Variants in FSTL5 observed in about 807,000 individuals in gnomAD.
FSTL5 encodes follistatin like 5, also known as follistatin-related protein 5.
In FSTL5, 62 loss-of-function variants were observed where a neutral mutation model predicts 89.1. The observed-to-expected ratio is 0.70, with a 90% CI of 0.57 to 0.86. FSTL5 has a LOEUF of 0.86. Ranked by LOEUF, FSTL5 falls within the 40% of genes least tolerant of loss-of-function variation. FSTL5 has a pLI of 0.00. For missense variants in FSTL5, 1,057 were observed against 1,001.6 expected (o/e 1.06, Z -0.75); for synonymous variants, 383 against 346.2 (o/e 1.11, Z -1.18).
chr4:161,667,189 C>A (rs1736931847), intron 6 of FSTL5, among the ~76,000 whole-genome samples: 1 of 151,992 alleles, frequency 6.6e-6, no homozygotes, highest in Admixed American at 6.6e-5. Context: ...GTTCTGTTAA[C>A]TTTCATTTAA....
chr4:161,826,812 A>G (rs1730683245), intron 4 of FSTL5, among the ~76,000 whole-genome samples: 1 of 152,164 alleles, frequency 6.6e-6, no homozygotes, highest in Non-Finnish European at 1.5e-5. Context: ...CAAAGACAGT[A>G]GGTACTTGGT....
intron 7 of FSTL5, among the ~76,000 whole-genome samples, chr4:161,645,677 G>T (rs1460559402): frequency 6.6e-6 from 1 of 151,954 alleles, no homozygotes; most frequent in Non-Finnish European, 1.5e-5. Context: ...TTGTATTTAG[G>T]CAGAAAATTA....
intron 10 of FSTL5, among the ~76,000 whole-genome samples, chr4:161,536,333 T>C (rs190597319): frequency 1.3e-5 from 2 of 152,262 alleles, no homozygotes; most frequent in Admixed American, 1.3e-4. Flanking sequence ...TCAGTCTCTT[T>C]CCATGAAATT....
chr4:161,935,141 C>T (rs997305176), intron 3 of FSTL5, among the ~76,000 whole-genome samples: 1 of 152,046 alleles, frequency 6.6e-6, no homozygotes, highest in African/African-American at 2.4e-5. Flanking sequence ...TAGAACTGCT[C>T]CAGTTCCTAG....
intron 4 of FSTL5, among the ~76,000 whole-genome samples, chr4:161,889,061 T>C (rs1732904541): frequency 1.3e-5 from 2 of 152,168 alleles, no homozygotes; most frequent in African/African-American, 4.8e-5. Flanking sequence ...TATAAGTTAC[T>C]TTGCGTGTAT....
At chr4:161,585,851 A>G (rs1238989434) in intron 8 of FSTL5, among the ~76,000 whole-genome samples, 3 of 152,158 alleles carry the variant, frequency 2.0e-5, no homozygotes, top group Non-Finnish European at 4.4e-5. Flanking sequence ...ATTACTTTAT[A>G]TATGAAAGTC....
chr4:161,972,933 T>G (rs1231443755), intron 3 of FSTL5, among the ~76,000 whole-genome samples: 2 of 152,168 alleles, frequency 1.3e-5, no homozygotes, highest in East Asian at 3.9e-4. Flanking sequence ...ATGCAAATAA[T>G]CATATCGCTG....
rs148821510 is a variant in FSTL5 at position 161,916,691 on chromosome 4, A to G, written c.409+3713T>C. Among the ~76,000 whole-genome samples, 324 of 152,280 alleles carry G rather than the reference A, an allele frequency of 2.1e-3. 1 individual carries two copies. Among genetic ancestry groups the G allele is most frequent in the African/African-American group, 7.4e-3 (308 of 41,564 alleles). Reference sequence around the variant, plus strand: ...CATAGGTATATTGTTTATTTTATCTATAGTTCTACAAATCATAAATCACTA... The same window carrying G: ...CATAGGTATATTGTTTATTTTATCTGTAGTTCTACAAATCATAAATCACTA... On this transcript the variant is annotated intron_variant, in intron 4 of 15. Transcript: ENST00000306100.
At chr4:161,954,366 C>G (rs781707880) in intron 3 of FSTL5, among the ~76,000 whole-genome samples, 1 of 151,492 alleles carries the variant, frequency 6.6e-6, no homozygotes, top group East Asian at 1.9e-4. Flanking sequence ...TTCAAAATTT[C>G]CACAAAAAAT....
intron 4 of FSTL5, among the ~76,000 whole-genome samples, chr4:161,901,727 G>C (rs1161214459): frequency 6.6e-6 from 1 of 152,040 alleles, no homozygotes; most frequent in Non-Finnish European, 1.5e-5. Flanking sequence ...CTGAGCTCAG[G>C]AGTTCCAGAG....
At position 162,152,128 on chromosome 4, in the gene FSTL5, C is replaced by T. The variant is rs538021264; in HGVS notation, c.-17+11487G>A. On this transcript the variant is annotated intron_variant, in intron 1 of 15. Coordinates refer to ENST00000306100, the MANE Select transcript of FSTL5 (RefSeq NM_020116.5). ...CAGAATGAAAGCCCTTCGACTTTCT[C>T]AGGCCTCAGGACATGTAGAGAAACA... Among the ~76,000 whole-genome samples the T allele has an allele frequency of 7.5e-4, 114 of 152,242 alleles. 3 individuals carry two copies. In the South Asian group the frequency reaches 0.021, roughly 27 times the overall value.
chr4:161,754,710 G>C (rs1178291798), intron 6 of FSTL5, among the ~76,000 whole-genome samples: 1 of 151,986 alleles, frequency 6.6e-6, no homozygotes, highest in Non-Finnish European at 1.5e-5. Context: ...TTTCAATTGA[G>C]TTTCATAACC....
intron 4 of FSTL5, among the ~76,000 whole-genome samples, chr4:161,820,963 A>G (rs933900800): frequency 2.0e-5 from 3 of 151,452 alleles, no homozygotes; most frequent in Non-Finnish European, 4.4e-5. Context: ...AAAAACCACC[A>G]AACTCTTTAC....
chr4:161,996,073 T>C (rs1736286342), intron 3 of FSTL5, among the ~76,000 whole-genome samples: 1 of 152,190 alleles, frequency 6.6e-6, no homozygotes, highest in South Asian at 2.1e-4. Context: ...TAAAGCCTGG[T>C]TCCTAGGAAA....
rs144662531 is a variant in FSTL5, at chr4:161,389,140, G to A, written c.1842-2691C>T. Among the ~76,000 whole-genome samples, 140 of 152,108 alleles carry A rather than the reference G, an allele frequency of 9.2e-4. 1 individual carries two copies. Among genetic ancestry groups the A allele is most frequent in the African/African-American group, 3.2e-3 (133 of 41,546 alleles). ...CCCTAGTACAGATTGATATTCAGAAGTCTCCCACTGTTCATTAGTCTCTGA... is the reference window on the plus strand; with the variant it reads ...CCCTAGTACAGATTGATATTCAGAAATCTCCCACTGTTCATTAGTCTCTGA... On this transcript the variant is annotated intron_variant, in intron 15 of 15. Coordinates refer to ENST00000306100, the MANE Select transcript of FSTL5 (RefSeq NM_020116.5).
chr4:161,704,890 A>G (rs1738517869), intron 6 of FSTL5, among the ~76,000 whole-genome samples: 1 of 152,030 alleles, frequency 6.6e-6, no homozygotes, highest in Admixed American at 6.6e-5. Flanking sequence ...TTTTGCTCGC[A>G]TTATTCCCTC....
chr4:161,891,397 A>T (rs1020798572), intron 4 of FSTL5, among the ~76,000 whole-genome samples: 1 of 152,178 alleles, frequency 6.6e-6, no homozygotes, highest in Non-Finnish European at 1.5e-5. Context: ...ATATTTGGAC[A>T]ATCAGAAAGA....
At chr4:161,898,360 T>G (rs958298380) in intron 4 of FSTL5, among the ~76,000 whole-genome samples, 37 of 151,564 alleles carry the variant, frequency 2.4e-4, no homozygotes, top group African/African-American at 6.3e-4. Flanking sequence ...AACACTTGAG[T>G]GCAGGTTTTT....
chr4:161,400,387 T>C (rs141076883), intron 15 of FSTL5, among the ~76,000 whole-genome samples: 2 of 152,186 alleles, frequency 1.3e-5, no homozygotes, highest in East Asian at 3.9e-4. Context: ...TTGCTTATCA[T>C]CATTTTAATC....
Sources: gnomAD v4.1 joint callset for allele counts (sites outside exome capture counted in the v4.1 genomes callset) on GRCh38, gnomAD v4.1.1 for gene constraint, MANE v1.5 for transcripts, NCBI Gene and HGNC (gene_info 2026-07-23, HGNC 2026-07-21) for gene names.